Variants in ASB1 observed in about 807,000 individuals in gnomAD.
The protein encoded by ASB1 is ankyrin repeat and SOCS box containing 1.
ASB1 carries 18 observed loss-of-function variants against 27.7 expected under a neutral mutation model. The ratio of observed to expected loss-of-function variants is 0.65; its 90% confidence interval spans 0.45 to 0.96. ASB1 has a LOEUF of 0.96. Ranked by LOEUF, ASB1 falls within the 50% of genes least tolerant of loss-of-function variation. ASB1 has a pLI of 0.00. For missense variants in ASB1, 397 were observed against 451.7 expected, an observed-to-expected ratio of 0.88 and a Z score of 1.10; for synonymous variants, 189 against 187.6, an observed-to-expected ratio of 1.01 and a Z score of -0.06.
intron 3 of ASB1, among the ~76,000 whole-genome samples, chr2:238,437,084 T>G (rs998363119): frequency 6.6e-6 from 1 of 152,172 alleles, no homozygotes; most frequent in Non-Finnish European, 1.5e-5. Flanking sequence ...AGTTTTTGCT[T>G]TTTAATACAG....
intron 3 of ASB1, among the ~76,000 whole-genome samples, chr2:238,441,525 A>G (rs1163977191): frequency 6.6e-6 from 1 of 152,120 alleles, no homozygotes; most frequent in Non-Finnish European, 1.5e-5. Context: ...AAAAAGTTCC[A>G]TGGTTTACCA....
rs746935672 is a variant in ASB1 at position 238,444,499 on chromosome 2, C to G, written c.652C>G (p.Pro218Ala). The change falls in exon 4 of 5, where the codon CCT becomes GCT. Residue 218 changes from proline (P) to alanine (A), a missense_variant. Physicochemically the swap from Pro to Ala is conservative, Grantham distance 27 (BLOSUM62 -1). Transcript: ENST00000264607. ...FRLLLLAGAN[P>A]DFNCNGPVNT... ...GCTGCTCCTCCTGGCTGGCGCGAAC[C>G]CTGACTTCAACTGCAATGGTCCTGT... 3 of 1,614,212 alleles carry G rather than the reference C, an allele frequency of 1.9e-6. No individual in the cohort carries two copies. Among genetic ancestry groups the G allele is most frequent in the South Asian group, 2.2e-5 (2 of 91,090 alleles).
chr2:238,443,026 A>G (rs1197341597), intron 3 of ASB1, among the ~76,000 whole-genome samples: 2 of 152,180 alleles, frequency 1.3e-5, no homozygotes, highest in Admixed American at 6.5e-5. Context: ...CATCTTACAG[A>G]TGAACTTTAT....
chr2:238,438,072 T>A (rs1168206119), intron 3 of ASB1, among the ~76,000 whole-genome samples: 2 of 152,188 alleles, frequency 1.3e-5, no homozygotes, highest in Admixed American at 1.3e-4. Flanking sequence ...TGCTTTTGAG[T>A]AGGATCAATC....
chr2:238,448,531 G>A lies in ASB1; in HGVS notation c.*2020G>A, dbSNP rs1173261578. 2 of 152,266 alleles carry A rather than the reference G, an allele frequency of 1.3e-5. No homozygotes were observed. Among genetic ancestry groups the A allele is most frequent in the Non-Finnish European group, 2.9e-5 (2 of 68,088 alleles). 9.4% of individuals were successfully genotyped at this position (152,266 alleles called of 1,614,324 possible). ...CTGCCACCCTTTGGGCTCAGAGGAG[G>A]GTGGCTTTTTTCGAGGTGAGCCATG... On this transcript the variant is annotated 3_prime_UTR_variant, in exon 5 of 5. Transcript: ENST00000264607.
intron 1 of ASB1, among the ~76,000 whole-genome samples, chr2:238,428,904 A>G (rs967865817): frequency 6.6e-6 from 1 of 152,180 alleles, no homozygotes; most frequent in Non-Finnish European, 1.5e-5. Flanking sequence ...ATTGCCCTAC[A>G]CCTGAATCTT....
chr2:238,442,134 T>C (rs1018543880), intron 3 of ASB1, among the ~76,000 whole-genome samples: 3 of 151,916 alleles, frequency 2.0e-5, no homozygotes, highest in African/African-American at 7.3e-5. Context: ...TTTTTTTTTT[T>C]TTTTTGAGAT....
chr2:238,438,771 C>T (rs1702022168), intron 3 of ASB1, among the ~76,000 whole-genome samples: 5 of 152,158 alleles, frequency 3.3e-5, no homozygotes, highest in South Asian at 4.1e-4. Context: ...ATTTTCTGTC[C>T]CTCTGTAAGT....
intron 3 of ASB1, among the ~76,000 whole-genome samples, chr2:238,439,323 T>G (rs1329589493): frequency 6.6e-6 from 1 of 152,136 alleles, no homozygotes; most frequent in African/African-American, 2.4e-5. Flanking sequence ...GGAAGCCTCG[T>G]TGTCATGTGA....
At chr2:238,434,804 T>C (rs2106404557) in intron 2 of ASB1, among the ~76,000 whole-genome samples, 1 of 152,364 alleles carries the variant, frequency 6.6e-6, no homozygotes, top group East Asian at 1.9e-4. Context: ...TTCCCAGCAC[T>C]GTTTCTCCTC....
intron 1 of ASB1, among the ~76,000 whole-genome samples, chr2:238,428,701 C>T (rs533790593): frequency 6.6e-6 from 1 of 152,158 alleles, no homozygotes; most frequent in Non-Finnish European, 1.5e-5. Context: ...AAGTGCTATC[C>T]TGGGGCAGTT....
At chr2:238,430,356 C>T (rs957879986) in intron 1 of ASB1, among the ~76,000 whole-genome samples, 7 of 152,228 alleles carry the variant, frequency 4.6e-5, no homozygotes, top group Non-Finnish European at 8.8e-5. Flanking sequence ...GAGTGGATTT[C>T]ATCTCAAGAA....
chr2:238,438,463 G>A (rs1433427047), intron 3 of ASB1, among the ~76,000 whole-genome samples: 1 of 152,108 alleles, frequency 6.6e-6, no homozygotes, highest in Non-Finnish European at 1.5e-5. Context: ...GCCTCCCAAA[G>A]TGCTGGGATT....
chr2:238,438,245 G>C (rs1702010569), intron 3 of ASB1, among the ~76,000 whole-genome samples: 2 of 125,352 alleles, frequency 1.6e-5, no homozygotes, highest in South Asian at 5.0e-4. Flanking sequence ...TGTCGTCCAG[G>C]CTGGAGTGCA....
chr2:238,443,398 T>A (rs553386048), intron 3 of ASB1, among the ~76,000 whole-genome samples: 2 of 152,352 alleles, frequency 1.3e-5, no homozygotes, highest in South Asian at 4.1e-4. Flanking sequence ...CTCTCATTGC[T>A]TGTTAGTTGT....
chr2:238,442,309 G>A (rs1401300937), intron 3 of ASB1, among the ~76,000 whole-genome samples: 1 of 151,804 alleles, frequency 6.6e-6, no homozygotes, highest in African/African-American at 2.4e-5. Flanking sequence ...ATGGGGTTTC[G>A]TCATGTTGGC....
rs1200803445 is a variant in ASB1 at position 238,433,570 on chromosome 2, G to A, written c.66G>A (p.Glu22=). 1.9e-6 allele frequency: 3 copies of A among 1,614,062 alleles called. No homozygotes were observed. The highest frequency in any genetic ancestry group is 2.7e-5 in the African/African-American group (2 of 74,942). Residue 22 remains glutamate (E), a synonymous_variant, in exon 2 of 5, where the codon GAG becomes GAA. Transcript: ENST00000264607. ...TCAGTGCAGGTCGTAATCTGAAGGA[G>A]TGGCTGAGGGAGCAATTTTGTGATC... ...GPGSAGRNLK[E]WLREQFCDHP...
chr2:238,435,781 G>T lies in ASB1; in HGVS notation c.262G>T (p.Ala88Ser), dbSNP rs1393629968. ...CACACCGTTGCGAATCGCGGCCACT[G>T]CAGGCCATGGGAGCTGTGTGGACTT... ...PCTPLRIAATAGHGSCVDFLI... is the reference protein window; with the variant it reads ...PCTPLRIAATSGHGSCVDFLI... Residue 88 changes from alanine to serine, a missense_variant, in exon 3 of 5, where the codon GCA becomes TCA. Coordinates refer to ENST00000264607, the MANE Select transcript of ASB1 (RefSeq NM_001040445.3). 6.2e-7 allele frequency: 1 copy of T among 1,614,172 alleles called. No individual in the cohort carries two copies. Among genetic ancestry groups the T allele is most frequent in the Non-Finnish European group, 8.5e-7 (1 of 1,180,036 alleles).
In ASB1 at chr2:238,447,210, C is replaced by T. The variant is rs1310757212; in HGVS notation, c.*699C>T. ...TTCCAGTGATTGATTTTAGGAGGCC[C>T]ACACCAAACTCCCCAGGAAATGACT... On this transcript the variant is annotated 3_prime_UTR_variant, in exon 5 of 5. Coordinates refer to ENST00000264607, the MANE Select transcript of ASB1 (RefSeq NM_001040445.3). The T allele has an allele frequency of 6.5e-6, 1 of 152,748 alleles. No homozygotes were observed. The highest frequency in any genetic ancestry group is 1.5e-5 in the Non-Finnish European group (1 of 68,190). The allele number at this position is 152,748 out of a possible 1,614,324, so 9.5% of individuals were successfully genotyped here. A position where few individuals can be genotyped will look rare whatever the true frequency, so the allele number is the denominator to read the frequency against.
Sources: allele counts gnomAD v4.1 joint callset (sites outside exome capture counted in the v4.1 genomes callset), GRCh38; gene constraint gnomAD v4.1.1; transcripts MANE v1.5; gene names NCBI Gene and HGNC (gene_info 2026-07-23, HGNC 2026-07-21).